The following BEND7 variants were observed in gnomAD, a reference collection of about 807,000 sequenced individuals.
BEND7 encodes the protein BEN domain-containing protein 7.
In BEND7, 28 loss-of-function variants were observed where a neutral mutation model predicts 50.9. The ratio of observed to expected loss-of-function variants is 0.55; its 90% CI spans 0.41 to 0.75. The LOEUF (loss-of-function observed/expected upper bound fraction) is 0.75, where lower values mean the gene tolerates loss of function less well. Ranked by LOEUF, BEND7 falls within the 30% of genes least tolerant of loss-of-function variation. The pLI is 0.00. For missense variants in BEND7, 477 were observed against 491.3 expected, an observed-to-expected ratio of 0.97 and a Z score of 0.28; for synonymous variants, 170 against 183.9, an observed-to-expected ratio of 0.92 and a Z score of 0.61.
At chr10:13,443,777 G>C (rs1206875351) in intron 8 of BEND7, 1 of 152,124 alleles carries the variant, frequency 6.6e-6, no homozygotes, top group Non-Finnish European at 1.5e-5. Context: ...AAAAATGCTT[G>C]TTAGGTAAAA....
At chr10:13,489,557 CTATTAT>C (rs749426377) in intron 5 of BEND7, among the ~76,000 whole-genome samples, 3 of 151,902 alleles carry the variant, frequency 2.0e-5, no homozygotes, top group South Asian at 4.2e-4. Flanking sequence ...AATACTATTA[CTATTAT>C]TATTATTATT....
intron 2 of BEND7, among the ~76,000 whole-genome samples, chr10:13,510,261 T>C (rs1411610116): frequency 6.6e-6 from 1 of 152,206 alleles, no homozygotes. Flanking sequence ...TAATGAAAAT[T>C]AACATAAAAT....
intron 7 of BEND7, among the ~76,000 whole-genome samples, chr10:13,451,258 C>T (rs1030628635): frequency 2.6e-5 from 4 of 151,472 alleles, no homozygotes; most frequent in East Asian, 3.9e-4. Flanking sequence ...GGCCAGTCGT[C>T]GCTCACTGCA....
intron 2 of BEND7, among the ~76,000 whole-genome samples, chr10:13,522,810 T>C (rs2079171803): frequency 6.6e-6 from 1 of 152,206 alleles, no homozygotes; most frequent in Non-Finnish European, 1.5e-5. Context: ...ACTGGAACCC[T>C]ACCTGTGGCA....
chr10:13,479,109 T>A (rs1028593041), intron 6 of BEND7, among the ~76,000 whole-genome samples: 3 of 151,370 alleles, frequency 2.0e-5, no homozygotes, highest in African/African-American at 7.3e-5. Flanking sequence ...CAGGTTCAAG[T>A]GATTCTCCTG....
intron 6 of BEND7, among the ~76,000 whole-genome samples, chr10:13,478,219 A>C (rs925675508): frequency 2.6e-5 from 4 of 152,116 alleles, no homozygotes; most frequent in Non-Finnish European, 4.4e-5. Context: ...CTGTGATCAG[A>C]GTTAATTCCC....
At position 13,481,039 on chromosome 10, in the gene BEND7, C is replaced by T; in HGVS notation, c.923G>A (p.Gly308Glu). 1.9e-6 allele frequency: 3 copies of T among 1,614,148 alleles called. No individual in the cohort carries two copies. Among genetic ancestry groups the T allele is most frequent in the Non-Finnish European group, 2.5e-6 (3 of 1,180,032 alleles). Reference sequence around the variant, plus strand: ...CACCAGTTTTCTAAACAGAAGGCTTCCTGAGCGAGTGTAGTTTGACAATAT... The same window carrying T: ...CACCAGTTTTCTAAACAGAAGGCTTTCTGAGCGAGTGTAGTTTGACAATAT... ...DSILSNYTRS[G>E]SLLFRKLVCA... The change falls in exon 6 of 9, where the codon GGA (glycine) becomes GAA (glutamate). Residue 308 changes from glycine to glutamate, a missense_variant. Coordinates refer to ENST00000466271, the MANE Select transcript of BEND7 (RefSeq NM_001369863.1).
rs2077056728 is a variant in BEND7, at chr10:13,496,900, A to G, written c.449-12T>C. ...CACTGGAAGTTCTCCTGAGCATGAA[A>G]GAAAAGAATGACATACTCCAAACAA... On this transcript the variant is annotated splice_polypyrimidine_tract_variant and intron_variant, in intron 3 of 8. Coordinates refer to ENST00000466271, the MANE Select transcript of BEND7 (RefSeq NM_001369863.1). 1 of 1,597,506 alleles carries G rather than the reference A, an allele frequency of 6.3e-7. No homozygotes were observed. Among genetic ancestry groups the G allele is most frequent in the Non-Finnish European group, 8.5e-7 (1 of 1,176,526 alleles).
At position 13,492,660 on chromosome 10, in the gene BEND7, T is replaced by C. The variant is rs2076745896; in HGVS notation, c.788A>G (p.Glu263Gly). Residue 263 changes from glutamate to glycine, a missense_variant, in exon 5 of 9, where the codon GAG becomes GGG. Physicochemically the swap from Glu to Gly is moderately conservative, Grantham distance 98 (BLOSUM62 -2). Coordinates refer to ENST00000466271, the MANE Select transcript of BEND7 (RefSeq NM_001369863.1). ...AATGCCGAATCCTAGAACGCGGCTC[T>C]CCTCCGGGGAGGTGTGCTCGGCTGC... ...LQAAEHTSPE[E>G]SRVLGFGIVL... The C allele has an allele frequency of 6.2e-7, 1 of 1,613,968 alleles. No homozygotes were observed. The highest frequency in any genetic ancestry group is 1.3e-5 in the African/African-American group (1 of 75,040).
At chr10:13,502,046 TG>T (rs2077510993) in intron 2 of BEND7, among the ~76,000 whole-genome samples, 1 of 143,388 alleles carries the variant, frequency 7.0e-6, no homozygotes, top group Non-Finnish European at 1.5e-5. Context: ...GATCAATATA[TG>T]TATATATAAG....
chr10:13,448,723 ATGT>A (rs1432563896), intron 7 of BEND7, among the ~76,000 whole-genome samples: 1 of 152,148 alleles, frequency 6.6e-6, no homozygotes, highest in Admixed American at 6.5e-5. Flanking sequence ...GCTAAAAATG[ATGT>A]TGTATTTGGG....
rs1258938120 is a variant in BEND7, at chr10:13,441,618, C to T, written c.*125G>A. 37 of 1,551,970 alleles carry T rather than the reference C, an allele frequency of 2.4e-5. No homozygotes were observed. The highest frequency in any genetic ancestry group is 3.2e-5 in the Non-Finnish European group (37 of 1,151,222). Reference sequence around the variant, plus strand: ...CAGCAACATACTCATCCTATTTTAACACGGCGAAAGGTCACCAATTAATCT... The same window carrying T: ...CAGCAACATACTCATCCTATTTTAATACGGCGAAAGGTCACCAATTAATCT... On this transcript the variant is annotated 3_prime_UTR_variant, in exon 9 of 9. Coordinates refer to ENST00000466271, the MANE Select transcript of BEND7 (RefSeq NM_001369863.1).
At position 13,478,039 on chromosome 10, in the gene BEND7, G is replaced by A. The variant is rs574100942; in HGVS notation, c.1063+2860C>T. The stretch of plus-strand genomic sequence containing the variant: ...GGGGCACCGCAGGAAAGAAAAGTGA[G>A]ATCTAGAAGCATATATACCCTCTTT... On this transcript the variant is annotated intron_variant, in intron 6 of 8. Coordinates refer to ENST00000466271, the MANE Select transcript of BEND7 (RefSeq NM_001369863.1). Among the ~76,000 whole-genome samples, 12 of 152,302 alleles carry A rather than the reference G, an allele frequency of 7.9e-5. No individual in the cohort carries two copies. In the East Asian group the frequency reaches 2.1e-3, roughly 27 times the overall value.
chr10:13,491,424 G>C (rs1350661588), intron 5 of BEND7, among the ~76,000 whole-genome samples: 2 of 151,696 alleles, frequency 1.3e-5, no homozygotes, highest in Non-Finnish European at 2.9e-5. Context: ...GTTTGACTCA[G>C]GGCCCTAGTT....
intron 5 of BEND7, among the ~76,000 whole-genome samples, chr10:13,482,039 C>A (rs924506552): frequency 6.6e-6 from 1 of 152,200 alleles, no homozygotes; most frequent in South Asian, 2.1e-4. Flanking sequence ...CCTTCCTGCC[C>A]ATGGAGGTGG....
chr10:13,528,523 G>A lies in BEND7; in HGVS notation c.11C>T (p.Ser4Phe). 1 of 1,037,422 alleles carries A rather than the reference G, an allele frequency of 9.6e-7. No individual in the cohort carries two copies. The highest frequency in any genetic ancestry group is 1.2e-6 in the Non-Finnish European group (1 of 863,236). 64.3% of individuals were successfully genotyped at this position (1,037,422 alleles called of 1,614,324 possible). The change falls in exon 1 of 9, where the codon TCC becomes TTC. Residue 4 changes from serine (S) to phenylalanine (F), a missense_variant. Ser to Phe is a radical substitution (Grantham distance 155, BLOSUM62 -2). Coordinates refer to ENST00000466271, the MANE Select transcript of BEND7 (RefSeq NM_001369863.1). ...GGATTTCCTGCTTCTTTTCCTCTCGGAGAACTCCATGGTGCGGGGAAGGCG... is the reference window on the plus strand; with the variant it reads ...GGATTTCCTGCTTCTTTTCCTCTCGAAGAACTCCATGGTGCGGGGAAGGCG... MEF[S>F]ERKRSRKSQS...
At chr10:13,506,472 A>G (rs915987015) in intron 2 of BEND7, among the ~76,000 whole-genome samples, 1 of 152,172 alleles carries the variant, frequency 6.6e-6, no homozygotes, top group African/African-American at 2.4e-5. Context: ...TGAGGCAGGC[A>G]ACGGAGCTGG....
At chr10:13,445,201 T>C (rs534474666) in intron 8 of BEND7, 1 of 152,220 alleles carries the variant, frequency 6.6e-6, no homozygotes, top group Admixed American at 6.5e-5. Flanking sequence ...AATAGTTTAA[T>C]GAAAAGATCT....
At chr10:13,511,380 T>C (rs1242547453) in intron 2 of BEND7, 1 of 152,216 alleles carries the variant, frequency 6.6e-6, no homozygotes, top group Non-Finnish European at 1.5e-5. Context: ...TCAAAATGAA[T>C]ATATATGACT....
Sources: allele counts gnomAD v4.1 joint callset (sites outside exome capture counted in the v4.1 genomes callset), GRCh38; gene constraint gnomAD v4.1.1; transcripts MANE v1.5; gene names NCBI Gene and HGNC (gene_info 2026-07-23, HGNC 2026-07-21).